Variants in ARHGEF28 observed in about 807,000 individuals in gnomAD.
ARHGEF28 encodes the protein Rho guanine nucleotide exchange factor 28.
A neutral mutation model predicts 206.6 loss-of-function variants in ARHGEF28; 152 were observed. The ratio of observed to expected loss-of-function variants is 0.74; its 90% CI spans 0.64 to 0.84. The LOEUF is 0.84. ARHGEF28 is among the 40% of genes least tolerant of loss of function. The pLI, the probability that ARHGEF28 is intolerant of heterozygous loss-of-function variation, is 0.00. For synonymous variants in ARHGEF28, 763 were observed against 776.4 expected, an observed-to-expected ratio of 0.98 and a Z score of 0.29; for missense variants, 2,028 against 2,073.2, an observed-to-expected ratio of 0.98 and a Z score of 0.42.
intron 4 of ARHGEF28, among the ~76,000 whole-genome samples, chr5:73,760,465 C>T (rs532984639): frequency 6.6e-6 from 1 of 152,210 alleles, no homozygotes; most frequent in South Asian, 2.1e-4. Flanking sequence ...TCTAATGGGA[C>T]AAACATCTCT....
rs563669204 is a variant in ARHGEF28 at position 73,820,930 on chromosome 5, A to G, written c.1025-11408A>G. On this transcript the variant is annotated intron_variant, in intron 9 of 35. Coordinates refer to ENST00000513042, the MANE Select transcript of ARHGEF28 (RefSeq NM_001177693.2). ...ATGGTGAGGGGTAGCCTGCAAAGTGATCTACTGCAGAGTCCCAGATGGAAG... is the reference window on the plus strand; with the variant it reads ...ATGGTGAGGGGTAGCCTGCAAAGTGGTCTACTGCAGAGTCCCAGATGGAAG... 2.0e-5 allele frequency among the ~76,000 whole-genome samples: 3 copies of G among 152,128 alleles called. No individual in the cohort carries two copies. The South Asian group carries it at 6.2e-4, about 32-fold the overall frequency.
intron 2 of ARHGEF28, among the ~76,000 whole-genome samples, chr5:73,735,856 G>A (rs1284563962): frequency 6.6e-6 from 1 of 152,082 alleles, no homozygotes; most frequent in Non-Finnish European, 1.5e-5. Flanking sequence ...TTCTCTCACT[G>A]GTTTTCACGC....
chr5:73,629,263 T>G (rs1465567666), intron 1 of ARHGEF28, among the ~76,000 whole-genome samples: 1 of 152,036 alleles, frequency 6.6e-6, no homozygotes, highest in Admixed American at 6.6e-5. Flanking sequence ...TTTGAGAGGC[T>G]GAAGTGGGAG....
chr5:73,661,611 C>T (rs1745601922), intron 1 of ARHGEF28, among the ~76,000 whole-genome samples: 1 of 152,014 alleles, frequency 6.6e-6, no homozygotes, highest in Non-Finnish European at 1.5e-5. Flanking sequence ...TTCCTTTCAC[C>T]TGAACACTTA....
chr5:73,633,040 TCAGG>T (rs1743465672), intron 1 of ARHGEF28, among the ~76,000 whole-genome samples: 1 of 151,828 alleles, frequency 6.6e-6, no homozygotes, highest in African/African-American at 2.4e-5. Context: ...TGACAGATCA[TCAGG>T]CATTAGAGTC....
intron 4 of ARHGEF28, 73 bp downstream of exon 4, chr5:73,753,275 G>A: frequency 7.0e-7 from 1 of 1,428,830 alleles, no homozygotes; most frequent in East Asian, 2.5e-5. Flanking sequence ...GCTATACTGT[G>A]TGTTCCCCTC....
chr5:73,634,146 CATTT>C (rs2112122598), intron 1 of ARHGEF28, among the ~76,000 whole-genome samples: 1 of 152,236 alleles, frequency 6.6e-6, no homozygotes, highest in South Asian at 2.1e-4. Flanking sequence ...GTTTGATAAA[CATTT>C]ATTCAATGCC....
chr5:73,862,844 C>A (rs1759479713), intron 16 of ARHGEF28, among the ~76,000 whole-genome samples: 1 of 143,784 alleles, frequency 7.0e-6, no homozygotes. Context: ...TGTTTTACTG[C>A]TCACTTTTGT....
At chr5:73,660,995 C>T (rs1745562646) in intron 1 of ARHGEF28, among the ~76,000 whole-genome samples, 1 of 152,210 alleles carries the variant, frequency 6.6e-6, no homozygotes, top group African/African-American at 2.4e-5. Context: ...GAGAGTCAGC[C>T]TGTCCTTTGA....
intron 2 of ARHGEF28, among the ~76,000 whole-genome samples, chr5:73,737,954 C>T (rs113254816): frequency 6.8e-4 from 104 of 152,268 alleles, no homozygotes; most frequent in African/African-American, 2.4e-3. Context: ...CTGGGCTGGC[C>T]TTTTTCCTGC....
At chr5:73,890,138 G>T (rs1024759625) in intron 26 of ARHGEF28, among the ~76,000 whole-genome samples, 3 of 152,176 alleles carry the variant, frequency 2.0e-5, no homozygotes, top group Non-Finnish European at 4.4e-5. Context: ...GTGTTTGTGC[G>T]TGGTTAGTAT....
At chr5:73,823,118 T>TCAAC (rs1756697015) in intron 9 of ARHGEF28, among the ~76,000 whole-genome samples, 1 of 152,224 alleles carries the variant, frequency 6.6e-6, no homozygotes, top group Non-Finnish European at 1.5e-5. Flanking sequence ...GCGTTCTGGT[T>TCAAC]CAACCACTTA....
chr5:73,938,474 T>C (rs1742344849), intron 35 of ARHGEF28, among the ~76,000 whole-genome samples: 1 of 152,132 alleles, frequency 6.6e-6, no homozygotes, highest in Non-Finnish European at 1.5e-5. Context: ...AGCAATGACC[T>C]CCCAGCTGCC....
rs1196798683 is a variant in ARHGEF28 at position 73,627,538 on chromosome 5, T to C, written c.-12+1216T>C. On this transcript the variant is annotated intron_variant, in intron 1 of 35. Coordinates refer to ENST00000513042, the MANE Select transcript of ARHGEF28 (RefSeq NM_001177693.2). The stretch of plus-strand genomic sequence containing the variant: ...ACCTGGGAAGGTTTCTCTAGATCTG[T>C]CCTGGGTTTTTAGTTACACATTCCT... Among the ~76,000 whole-genome samples the C allele has an allele frequency of 2.6e-5, 4 of 152,320 alleles. No individual in the cohort carries two copies. In the East Asian group the frequency reaches 7.7e-4, roughly 29 times the overall value.
At position 73,780,732 on chromosome 5, in the gene ARHGEF28, A is replaced by G. The variant is rs749632414; in HGVS notation, c.897A>G (p.Ala299=). 12 of 1,557,792 alleles carry G rather than the reference A, an allele frequency of 7.7e-6. No individual in the cohort carries two copies. Among genetic ancestry groups the G allele is most frequent in the Non-Finnish European group, 3.5e-6 (4 of 1,150,492 alleles). ...GAACAGCTATGCCCTCCAGCGGTGC[A>G]GAAACTGAAGAAGGTACGCATGCTC... is the stretch of plus-strand genomic sequence containing the variant. ...EERTAMPSSG[A]ETEEEIKNSV... The change falls in exon 7 of 36, where the codon GCA becomes GCG. Residue 299 remains alanine (A), a synonymous_variant. Transcript: ENST00000513042.
intron 1 of ARHGEF28, among the ~76,000 whole-genome samples, chr5:73,681,949 C>T (rs1393397736): frequency 6.6e-6 from 1 of 152,106 alleles, no homozygotes; most frequent in African/African-American, 2.4e-5. Flanking sequence ...AAAAATACAA[C>T]TTAGCACGCC....
intron 2 of ARHGEF28, 24 bp from the exon 3 acceptor site, chr5:73,749,813 T>C: frequency 6.2e-7 from 1 of 1,612,922 alleles, no homozygotes. Flanking sequence ...AGTCTGACAA[T>C]GCCCCGACTT....
rs140535993 is a variant in ARHGEF28, at chr5:73,886,220, G to C, written c.3310+116G>C. ...TGCAGGCACACATGCGCAAACCCTG[G>C]GTCAGTTGAAAGATTGATTTGTGAA... On this transcript the variant is annotated intron_variant, in intron 25 of 35. Transcript: ENST00000513042. 426 of 1,297,886 alleles carry C rather than the reference G, an allele frequency of 3.3e-4. 1 individual carries two copies. The African/African-American group carries it at 5.7e-3, about 17-fold the overall frequency. The allele number at this position is 1,297,886 out of a possible 1,614,324, so 80.4% of individuals were successfully genotyped here.
chr5:73,820,711 A>G lies in ARHGEF28; in HGVS notation c.1025-11627A>G, dbSNP rs147730812. ...TCTGCCATCTGGTCTCTTCCTTCGC[A>G]CTATGGTGGGCTTCATGGCAGGCCA... On this transcript the variant is annotated intron_variant, in intron 9 of 35. Transcript: ENST00000513042. Among the ~76,000 whole-genome samples, 404 of 152,138 alleles carry G rather than the reference A, an allele frequency of 2.7e-3. 1 individual carries two copies. The highest frequency in any genetic ancestry group is 9.4e-3 in the African/African-American group (389 of 41,500).
Sources: allele counts gnomAD v4.1 joint callset (sites outside exome capture counted in the v4.1 genomes callset), GRCh38; gene constraint gnomAD v4.1.1; transcripts MANE v1.5; gene names NCBI Gene and HGNC (gene_info 2026-07-23, HGNC 2026-07-21).